Variants in COBL observed in about 807,000 individuals in gnomAD.
The protein encoded by COBL is cordon-bleu WH2 repeat protein, also known as protein cordon-bleu.
In COBL, 51 loss-of-function variants were observed where a neutral mutation model predicts 98.8. That is an observed-to-expected ratio of 0.52 (90% CI 0.41 to 0.65). COBL has a LOEUF of 0.65. Among genes scored for constraint, COBL ranks in the 30% least tolerant of loss-of-function variants. The pLI is 0.00. For missense variants in COBL, 1,617 were observed against 1,617.5 expected (o/e 1.00, Z 0.01); for synonymous variants, 634 against 651.7 (o/e 0.97, Z 0.41).
chr7:51,304,608 T>C (rs1802284269), intron 1 of COBL, among the ~76,000 whole-genome samples: 6 of 152,346 alleles, frequency 3.9e-5, no homozygotes. Flanking sequence ...GGAAAGGCAG[T>C]GCAAGTCTTT....
intron 1 of COBL, among the ~76,000 whole-genome samples, chr7:51,286,929 T>C (rs1800420713): frequency 6.6e-6 from 1 of 152,084 alleles, no homozygotes. Flanking sequence ...TACACAGCCA[T>C]AAAAAAGAAT....
chr7:51,224,241 A>G (rs908133499), intron 1 of COBL, among the ~76,000 whole-genome samples: 1 of 152,240 alleles, frequency 6.6e-6, no homozygotes, highest in Non-Finnish European at 1.5e-5. Flanking sequence ...CCCTATCATT[A>G]AGCTATGTAT....
At chr7:51,164,546 A>G (rs905423710) in intron 5 of COBL, among the ~76,000 whole-genome samples, 1 of 152,162 alleles carries the variant, frequency 6.6e-6, no homozygotes, top group Non-Finnish European at 1.5e-5. Flanking sequence ...CATAAAGGAG[A>G]AATAAAGACT....
Position 51,028,881 on chromosome 7 carries a change from A to G in COBL, c.2215T>C (p.Leu739=), listed in dbSNP as rs754750948. ...ATGCCGGTGGCGTGAGGACTCACCA[A>G]GTTCCCCAGCTCGTCAATCTTAATG... The part of the protein sequence containing the change: ...GAIKIDELGN[L]VSPHATGIRI... The change falls in exon 10 of 13, where the codon TTG becomes CTG. Residue 739 remains leucine, a synonymous_variant. Transcript: ENST00000265136. The G allele has an allele frequency of 1.9e-6, 3 of 1,614,220 alleles. No homozygotes were observed. The highest frequency in any genetic ancestry group is 2.2e-5 in the South Asian group (2 of 91,090).
At chr7:51,151,185 A>G (rs891408720) in intron 5 of COBL, among the ~76,000 whole-genome samples, 3 of 12,884 alleles carry the variant, frequency 2.3e-4, no homozygotes, top group Non-Finnish European at 6.9e-4. Context: ...GCTGCTGTAC[A>G]TAGGCGAAAC....
intron 10 of COBL, among the ~76,000 whole-genome samples, chr7:51,027,091 G>A (rs1787651233): frequency 1.3e-5 from 2 of 152,206 alleles, no homozygotes; most frequent in South Asian, 2.1e-4. Context: ...TGCAGACCCA[G>A]AAGAGAATCC....
chr7:51,081,491 G>T (rs937317916), intron 7 of COBL, among the ~76,000 whole-genome samples: 4 of 152,218 alleles, frequency 2.6e-5, no homozygotes, highest in Non-Finnish European at 5.9e-5. Context: ...CCACTGCTCT[G>T]CAGAGATGCA....
chr7:51,171,372 G>A (rs1041182812), intron 5 of COBL, among the ~76,000 whole-genome samples: 10 of 152,100 alleles, frequency 6.6e-5, no homozygotes, highest in Non-Finnish European at 1.3e-4. Flanking sequence ...TGGCATGTTA[G>A]ATCCTGAGAA....
intron 1 of COBL, among the ~76,000 whole-genome samples, chr7:51,231,794 C>A (rs1794782900): frequency 6.6e-6 from 1 of 152,148 alleles, no homozygotes; most frequent in African/African-American, 2.4e-5. Flanking sequence ...CCCCACACAC[C>A]CGCAGATAAA....
intron 6 of COBL, among the ~76,000 whole-genome samples, chr7:51,089,827 T>C (rs1039437293): frequency 1.1e-5 from 1 of 91,002 alleles, no homozygotes; most frequent in African/African-American, 5.2e-5. Context: ...TTACCATTTA[T>C]CTTTTTTTTT....
chr7:51,131,666 C>T (rs1157184304), intron 6 of COBL, among the ~76,000 whole-genome samples: 1 of 151,880 alleles, frequency 6.6e-6, no homozygotes, highest in South Asian at 2.1e-4. Context: ...CGATCTCGGC[C>T]CACTGCAACC....
chr7:51,104,867 A>C (rs796477664), intron 6 of COBL, among the ~76,000 whole-genome samples: 51 of 152,244 alleles, frequency 3.3e-4, no homozygotes, highest in African/African-American at 1.2e-3. Flanking sequence ...AGGCATGATA[A>C]ATCTAAGTAT....
intron 1 of COBL, among the ~76,000 whole-genome samples, chr7:51,245,686 G>C (rs149116695): frequency 1.3e-5 from 2 of 152,210 alleles, no homozygotes; most frequent in African/African-American, 4.8e-5. Context: ...ATAAATGATA[G>C]TACAGTGTAT....
intron 7 of COBL, among the ~76,000 whole-genome samples, chr7:51,082,259 C>T (rs1189423745): frequency 2.0e-5 from 3 of 152,198 alleles, no homozygotes; most frequent in Non-Finnish European, 2.9e-5. Flanking sequence ...TATTGCGCTG[C>T]TCCGTGTACA....
intron 5 of COBL, among the ~76,000 whole-genome samples, chr7:51,158,053 AGTT>A (rs1223860828): frequency 2.0e-5 from 3 of 152,212 alleles, no homozygotes; most frequent in Non-Finnish European, 4.4e-5. Context: ...GAAGAGAGCC[AGTT>A]GTTGTGTTAG....
chr7:51,300,352 G>T (rs545008154), intron 1 of COBL, among the ~76,000 whole-genome samples: 2 of 152,176 alleles, frequency 1.3e-5, no homozygotes, highest in African/African-American at 4.8e-5. Flanking sequence ...GTAGCGATGG[G>T]GTTTCACCAT....
At chr7:51,056,421 G>A (rs983314334) in intron 7 of COBL, among the ~76,000 whole-genome samples, 3 of 152,086 alleles carry the variant, frequency 2.0e-5, no homozygotes, top group South Asian at 4.2e-4. Context: ...GGGGAAATGA[G>A]CCCTCATCAA....
chr7:51,081,631 C>T (rs1223521609), intron 7 of COBL, among the ~76,000 whole-genome samples: 2 of 152,218 alleles, frequency 1.3e-5, no homozygotes. Flanking sequence ...CGAGGGTCTG[C>T]AAGTTTGCAC....
At chr7:51,232,425 T>A (rs1190685940) in intron 1 of COBL, among the ~76,000 whole-genome samples, 3 of 152,144 alleles carry the variant, frequency 2.0e-5, no homozygotes, top group Middle Eastern at 3.4e-3. Flanking sequence ...GGAGCCACAC[T>A]GATGACCGAG....
Sources: gnomAD v4.1 joint callset for allele counts (sites outside exome capture counted in the v4.1 genomes callset) on GRCh38, gnomAD v4.1.1 for gene constraint, MANE v1.5 for transcripts, NCBI Gene and HGNC (gene_info 2026-07-23, HGNC 2026-07-21) for gene names.